DPYS: variants seen among roughly 807,000 people sequenced by gnomAD.
DPYS encodes dihydropyrimidine amidohydrolase.
A neutral mutation model predicts 50.3 loss-of-function variants in DPYS; 39 were observed. The observed-to-expected ratio is 0.78, with a 90% CI of 0.60 to 1.01. The LOEUF (loss-of-function observed/expected upper bound fraction) is 1.01. DPYS is among the 50% of genes least tolerant of loss of function. The probability of loss-of-function intolerance (pLI) is 0.00; values close to 1 mark genes in which losing one functional copy is unlikely to be tolerated. For synonymous variants in DPYS, 245 were observed against 250.7 expected (o/e 0.98, Z 0.22); for missense variants, 659 against 680.9 (o/e 0.97, Z 0.36).
chr8:104,466,779 C>A lies in DPYS; in HGVS notation c.142G>T (p.Gly48Trp). The change falls in exon 1 of 10, where the codon GGG (glycine) becomes TGG (tryptophan). Residue 48 changes from glycine (G) to tryptophan (W), a missense_variant. Gly to Trp is a radical substitution (Grantham distance 184, BLOSUM62 -2). Transcript: ENST00000351513. ...DLLPPGGAPAGLRVLDAAGKL... is the reference protein window; with the variant it reads ...DLLPPGGAPAWLRVLDAAGKL... ...CCGGCGGCGTCGAGGACCCGCAGCC[C>A]CGCAGGAGCGCCCCCGGGAGGCAGC... 1 of 1,534,306 alleles carries A rather than the reference C, an allele frequency of 6.5e-7. No homozygotes were observed. The highest frequency in any genetic ancestry group is 1.8e-4 in the Middle Eastern group (1 of 5,446).
chr8:104,383,511 T>G (rs1811121927), intron 8 of DPYS, among the ~76,000 whole-genome samples: 1 of 152,126 alleles, frequency 6.6e-6, no homozygotes, highest in Non-Finnish European at 1.5e-5. Flanking sequence ...AAGCCTGCTT[T>G]CTTCTTTTTG....
At chr8:104,465,535 A>T (rs1051236732) in intron 1 of DPYS, among the ~76,000 whole-genome samples, 1 of 151,734 alleles carries the variant, frequency 6.6e-6, no homozygotes. Flanking sequence ...TAGAATTTTT[A>T]CTCTATGTTC....
At chr8:104,398,420 C>T (rs1271065286) in intron 7 of DPYS, among the ~76,000 whole-genome samples, 2 of 152,262 alleles carry the variant, frequency 1.3e-5, no homozygotes, top group Non-Finnish European at 2.9e-5. Context: ...GTCCTGGCTG[C>T]TCAGCCTCTC....
At chr8:104,392,603 C>T (rs2140520210) in intron 8 of DPYS, among the ~76,000 whole-genome samples, 181 bp downstream of exon 8, 1 of 152,276 alleles carries the variant, frequency 6.6e-6, no homozygotes, top group Non-Finnish European at 1.5e-5. Context: ...TGCGTGCATC[C>T]AATAATGATC....
intron 9 of DPYS, among the ~76,000 whole-genome samples, chr8:104,380,221 G>A (rs1309475595): frequency 1.3e-5 from 2 of 152,146 alleles, no homozygotes; most frequent in Non-Finnish European, 2.9e-5. Context: ...TTTATGCAGG[G>A]AATAAGAGGT....
At chr8:104,393,107 G>C in intron 7 of DPYS, 116 bp from the exon 8 acceptor site, 1 of 846,462 alleles carries the variant, frequency 1.2e-6, no homozygotes, top group Non-Finnish European at 1.9e-6. Context: ...TTAAGTCATA[G>C]CTTCATCACT....
In DPYS at chr8:104,379,525, CTATT is replaced by C. The variant is rs1233515154; in HGVS notation, c.*329_*332del. 3.0e-5 allele frequency: 5 copies of C among 168,356 alleles called. No individual in the cohort carries two copies. In the South Asian group the frequency reaches 3.9e-4, roughly 13 times the overall value. The allele number at this position is 168,356 out of a possible 1,614,324, so 10.4% of individuals were successfully genotyped here. ...GTAACCATTTTTTTAAAAAAAGAAA[CTATT>C]TAAACAAGAAAATGATTTTTAAAAA... On this transcript the variant is annotated 3_prime_UTR_variant, in exon 10 of 10. Coordinates refer to ENST00000351513, the MANE Select transcript of DPYS (RefSeq NM_001385.3).
rs139802299 is a variant in DPYS, at chr8:104,405,185, C to G, written c.1236-12194G>C. On this transcript the variant is annotated intron_variant, in intron 7 of 9. Transcript: ENST00000351513. ...CTATCCATGAAGCATCTCTGTATTC[C>G]GAGTACTTTCAGGTACATTGCCTCA... Among the ~76,000 whole-genome samples, 3 of 152,322 alleles carry G rather than the reference C, an allele frequency of 2.0e-5. No individual in the cohort carries two copies. In the South Asian group the frequency reaches 6.2e-4, roughly 32 times the overall value.
intron 7 of DPYS, among the ~76,000 whole-genome samples, chr8:104,407,451 G>A (rs551996310): frequency 1.3e-5 from 2 of 152,240 alleles, no homozygotes; most frequent in African/African-American, 2.4e-5. Context: ...AAAAAAGGAC[G>A]GTACCATGTA....
chr8:104,395,227 A>G (rs1232407564), intron 7 of DPYS, among the ~76,000 whole-genome samples: 3 of 152,158 alleles, frequency 2.0e-5, no homozygotes, highest in Non-Finnish European at 4.4e-5. Flanking sequence ...TCAAACTCCA[A>G]GGCTCAAGCA....
intron 2 of DPYS, among the ~76,000 whole-genome samples, chr8:104,447,973 T>C (rs1164408897): frequency 3.3e-5 from 5 of 152,090 alleles, no homozygotes; most frequent in African/African-American, 1.2e-4. Flanking sequence ...GACCCGGGCA[T>C]GCCCAAGAAA....
chr8:104,466,668 G>C lies in DPYS; in HGVS notation c.253C>G (p.Gln85Glu). 1 of 1,522,748 alleles carries C rather than the reference G, an allele frequency of 6.6e-7. No individual in the cohort carries two copies. Among genetic ancestry groups the C allele is most frequent in the Non-Finnish European group, 8.8e-7 (1 of 1,138,422 alleles). The allele number at this position is 1,522,748 out of a possible 1,614,324, so 94.3% of individuals were successfully genotyped here. A position where few individuals can be genotyped will look rare whatever the true frequency, so the allele number is the denominator to read the frequency against. Residue 85 changes from glutamine (Q) to glutamate (E), a missense_variant, in exon 1 of 10, where the codon CAG becomes GAG. Transcript: ENST00000351513. ...MGSRSIDDFH[Q>E]GTKAALSGGT... is the part of the protein sequence containing the mutation. ...GGCGGGGCGGGTACCTTGGTGCCCT[G>C]GTGGAAGTCGTCGATGGACCGCGAG...
intron 7 of DPYS, among the ~76,000 whole-genome samples, chr8:104,401,734 A>C (rs1377595628): frequency 3.3e-5 from 5 of 152,188 alleles, no homozygotes; most frequent in Non-Finnish European, 2.9e-5. Flanking sequence ...GTCTATTTCA[A>C]ACTACCTCTT....
At chr8:104,448,035 T>C (rs1246395266) in intron 2 of DPYS, among the ~76,000 whole-genome samples, 1 of 152,166 alleles carries the variant, frequency 6.6e-6, no homozygotes, top group Non-Finnish European at 1.5e-5. Flanking sequence ...ATGGGACCCA[T>C]TGGCAGCTCC....
intron 7 of DPYS, among the ~76,000 whole-genome samples, chr8:104,411,133 T>C (rs560606270): frequency 2.6e-5 from 4 of 152,368 alleles, no homozygotes; most frequent in African/African-American, 2.4e-5. Context: ...TATGTTTATA[T>C]CTTTGTCTTA....
rs191299907 is a variant in DPYS at position 104,404,809 on chromosome 8, C to T, written c.1236-11818G>A. On this transcript the variant is annotated intron_variant, in intron 7 of 9. Coordinates refer to ENST00000351513, the MANE Select transcript of DPYS (RefSeq NM_001385.3). The stretch of plus-strand genomic sequence containing the variant: ...CATATTATTTGTTGCTGCTTTTGCA[C>T]TACAACAGCAGAGTTGAGTACTAGC... 1.3e-3 allele frequency among the ~76,000 whole-genome samples: 193 copies of T among 152,364 alleles called. 1 individual carries two copies. The highest frequency in any genetic ancestry group is 4.4e-3 in the African/African-American group (182 of 41,598).
Position 104,433,392 on chromosome 8 carries a change from G to A in DPYS, c.794-3691C>T, listed in dbSNP as rs1183663343. ...AAATTATCTTGTTCTAAATTTAAAGGACAATGGAGTGTTCTGATGTTCATA... is the reference window on the plus strand; with the variant it reads ...AAATTATCTTGTTCTAAATTTAAAGAACAATGGAGTGTTCTGATGTTCATA... On this transcript the variant is annotated intron_variant, in intron 4 of 9. Coordinates refer to ENST00000351513, the MANE Select transcript of DPYS (RefSeq NM_001385.3). Among the ~76,000 whole-genome samples, 4 of 152,090 alleles carry A rather than the reference G, an allele frequency of 2.6e-5. No individual in the cohort carries two copies. The East Asian group carries it at 7.7e-4, about 29-fold the overall frequency.
chr8:104,416,663 G>A (rs1812380393), intron 7 of DPYS, among the ~76,000 whole-genome samples: 1 of 151,944 alleles, frequency 6.6e-6, no homozygotes, highest in Non-Finnish European at 1.5e-5. Context: ...ATGTGAGTGT[G>A]TGTGTGTGTG....
chr8:104,426,362 A>G (rs1490314949), intron 6 of DPYS, among the ~76,000 whole-genome samples: 1 of 152,236 alleles, frequency 6.6e-6, no homozygotes, highest in Non-Finnish European at 1.5e-5. Context: ...TGTTCTCAGT[A>G]CAGAACAAGA....
Sources: allele counts gnomAD v4.1 joint callset (sites outside exome capture counted in the v4.1 genomes callset), GRCh38; gene constraint gnomAD v4.1.1; transcripts MANE v1.5; gene names NCBI Gene and HGNC (gene_info 2026-07-23, HGNC 2026-07-21).